Variants in GALNT1 observed in about 807,000 individuals in gnomAD.
GALNT1 encodes the protein polypeptide N-acetylgalactosaminyltransferase 1.
Under a neutral mutation model 65.7 loss-of-function variants are expected in GALNT1, and 17 were observed. The ratio of observed to expected loss-of-function variants is 0.26; its 90% CI spans 0.18 to 0.39. The LOEUF (loss-of-function observed/expected upper bound fraction) is 0.39. Among genes scored for constraint, GALNT1 ranks in the 10% least tolerant of loss-of-function variants. GALNT1 has a pLI of 1.00. For missense variants in GALNT1, 460 were observed against 672.8 expected, an observed-to-expected ratio of 0.68 and a Z score of 3.50; for synonymous variants, 210 against 219.7, an observed-to-expected ratio of 0.96 and a Z score of 0.39.
chr18:35,671,422 C>T lies in GALNT1; in HGVS notation c.315-6169C>T, dbSNP rs188381475. Among the ~76,000 whole-genome samples the T allele has an allele frequency of 7.2e-3, 1,091 of 152,206 alleles. 13 individuals are homozygous for T. Among genetic ancestry groups the T allele is most frequent in the African/African-American group, 0.024 (1,010 of 41,540 alleles). On this transcript the variant is annotated intron_variant, in intron 3 of 11. Coordinates refer to ENST00000269195, the MANE Select transcript of GALNT1 (RefSeq NM_020474.4). Reference sequence around the variant, plus strand: ...TTGTAGAGATGGGGGTCTCACGCCACGTTGCCCAGGCTGGGACTTTGTATT... The same window carrying T: ...TTGTAGAGATGGGGGTCTCACGCCATGTTGCCCAGGCTGGGACTTTGTATT...
At chr18:35,611,080 T>C (rs2046710183) in intron 1 of GALNT1, among the ~76,000 whole-genome samples, 1 of 152,172 alleles carries the variant, frequency 6.6e-6, no homozygotes. Context: ...GTACTACATT[T>C]TCAGAACTGC....
chr18:35,658,357 G>A (rs1438979299), intron 2 of GALNT1, among the ~76,000 whole-genome samples: 1 of 152,124 alleles, frequency 6.6e-6, no homozygotes, highest in Non-Finnish European at 1.5e-5. Flanking sequence ...CAAGCGTGAG[G>A]GAAGGGCTGA....
At chr18:35,689,982 G>GACTC (rs140797371) in intron 7 of GALNT1, among the ~76,000 whole-genome samples, 1,970 of 152,260 alleles carry the variant, frequency 0.013, 41 homozygotes, top group African/African-American at 0.043. Context: ...GAGAGGGTTG[G>GACTC]ACTCAATATC....
At position 35,711,008 on chromosome 18, in the gene GALNT1, T is replaced by C. The variant is rs2048343898; in HGVS notation, c.*1238T>C. ...CTGAAAATGTTTAATTGGCATTTTT[T>C]AATGACTTAGCCAAAGAAGTGCAGC... On this transcript the variant is annotated 3_prime_UTR_variant, in exon 12 of 12. Coordinates refer to ENST00000269195, the MANE Select transcript of GALNT1 (RefSeq NM_020474.4). 1 of 152,684 alleles carries C rather than the reference T, an allele frequency of 6.5e-6. No individual in the cohort carries two copies. The highest frequency in any genetic ancestry group is 2.1e-4 in the South Asian group (1 of 4,834). 9.5% of individuals were successfully genotyped at this position (152,684 alleles called of 1,614,324 possible).
chr18:35,663,851 T>C, intron 3 of GALNT1, 49 bp downstream of exon 3: 1 of 1,561,004 alleles, frequency 6.4e-7, no homozygotes, highest in South Asian at 1.1e-5. Context: ...AAGTATATTC[T>C]GAATTTTCAG....
chr18:35,636,795 T>TG (rs1045632256), intron 1 of GALNT1, among the ~76,000 whole-genome samples: 6 of 149,092 alleles, frequency 4.0e-5, no homozygotes, highest in Non-Finnish European at 7.4e-5. Flanking sequence ...TTTTTTTTTT[T>TG]TTTTTTTTTT....
chr18:35,690,971 T>TACTC (rs2047951767), intron 7 of GALNT1, 41 bp from the exon 8 acceptor site: 1 of 1,480,968 alleles, frequency 6.8e-7, no homozygotes, highest in Admixed American at 2.4e-5. Flanking sequence ...ATTTCCTGAT[T>TACTC]ACTCAGCTAC....
intron 3 of GALNT1, among the ~76,000 whole-genome samples, chr18:35,668,257 G>GA (rs1233342124): frequency 1.3e-5 from 2 of 151,850 alleles, no homozygotes; most frequent in African/African-American, 2.4e-5. Context: ...AAGTTCATGG[G>GA]AAAAAATGAT....
intron 1 of GALNT1, among the ~76,000 whole-genome samples, chr18:35,598,287 G>A (rs989318443): frequency 7.3e-5 from 11 of 151,552 alleles, no homozygotes; most frequent in Admixed American, 5.3e-4. Context: ...TTCCTGCCTC[G>A]GCCTTCCAAA....
intron 11 of GALNT1, 87 bp downstream of exon 11, chr18:35,703,730 G>C: frequency 2.3e-6 from 3 of 1,332,266 alleles, no homozygotes; most frequent in Non-Finnish European, 2.0e-6. Flanking sequence ...ATGAGTTCTT[G>C]TGGACCTTGA....
At chr18:35,585,330 T>A (rs1336806657) in intron 1 of GALNT1, among the ~76,000 whole-genome samples, 14 of 152,224 alleles carry the variant, frequency 9.2e-5, no homozygotes, top group Admixed American at 9.2e-4. Context: ...CCACCTCCAC[T>A]TGTGGAAGTG....
intron 1 of GALNT1, among the ~76,000 whole-genome samples, chr18:35,635,707 A>G (rs1053108171): frequency 3.3e-5 from 5 of 152,118 alleles, no homozygotes; most frequent in African/African-American, 1.2e-4. Flanking sequence ...ATAGCTGACC[A>G]ATTTTGTTTC....
At chr18:35,630,506 A>ATG (rs2046991346) in intron 1 of GALNT1, among the ~76,000 whole-genome samples, 5 of 152,130 alleles carry the variant, frequency 3.3e-5, no homozygotes, top group African/African-American at 1.2e-4. Flanking sequence ...TGAAACCAGC[A>ATG]AGAACAAAGA....
At chr18:35,580,995 G>C (rs1200046217), upstream of GALNT1, 3 of 152,172 alleles carry the variant, frequency 2.0e-5, no homozygotes, top group Admixed American at 6.5e-5. Flanking sequence ...TGCGGGTCGC[G>C]GGCCTCCGCT....
At chr18:35,682,034 A>G (rs1385694149) in intron 4 of GALNT1, among the ~76,000 whole-genome samples, 2 of 152,162 alleles carry the variant, frequency 1.3e-5, no homozygotes, top group Admixed American at 6.6e-5. Context: ...AAATGTTAAC[A>G]GTTACTACAA....
chr18:35,670,636 A>G (rs1273550230), intron 3 of GALNT1, among the ~76,000 whole-genome samples: 1 of 152,214 alleles, frequency 6.6e-6, no homozygotes, highest in Non-Finnish European at 1.5e-5. Context: ...GTAATTTGAC[A>G]AGTTGATTCT....
intron 1 of GALNT1, chr18:35,596,250 A>G (rs1482891546): frequency 6.6e-6 from 1 of 152,204 alleles, no homozygotes; most frequent in Non-Finnish European, 1.5e-5. Context: ...GATTGGGTCA[A>G]AAAGGTGGAA....
At chr18:35,648,640 G>A (rs1010202368) in intron 1 of GALNT1, among the ~76,000 whole-genome samples, 3 of 152,132 alleles carry the variant, frequency 2.0e-5, no homozygotes, top group African/African-American at 7.2e-5. Context: ...ATGAATTCTG[G>A]TATGTGTCTT....
At chr18:35,698,102 A>G (rs1298521513) in intron 9 of GALNT1, among the ~76,000 whole-genome samples, 3 of 152,210 alleles carry the variant, frequency 2.0e-5, no homozygotes, top group Admixed American at 6.5e-5. Flanking sequence ...AGCTCCTCAC[A>G]AATGGTGGAA....
Sources: gnomAD v4.1 joint callset for allele counts (sites outside exome capture counted in the v4.1 genomes callset) on GRCh38, gnomAD v4.1.1 for gene constraint, MANE v1.5 for transcripts, NCBI Gene and HGNC (gene_info 2026-07-23, HGNC 2026-07-21) for gene names.